The following MAN1C1 variants were observed in gnomAD, a reference collection of about 807,000 sequenced individuals.
MAN1C1 encodes mannosidase alpha class 1C member 1.
A neutral mutation model predicts 71.5 loss-of-function variants in MAN1C1; 49 were observed. The observed-to-expected ratio is 0.69, with a 90% confidence interval of 0.54 to 0.87. The LOEUF (loss-of-function observed/expected upper bound fraction) is 0.87, where lower values mean the gene tolerates loss of function less well. Ranked by LOEUF, MAN1C1 falls within the 40% of genes least tolerant of loss-of-function variation. The probability of loss-of-function intolerance (pLI) is 0.00; values close to 1 mark genes in which losing one functional copy is unlikely to be tolerated. For missense variants in MAN1C1, 743 were observed against 835.0 expected (o/e 0.89, Z 1.36); for synonymous variants, 352 against 343.7 (o/e 1.02, Z -0.27).
chr1:25,625,266 A>G (rs2045276979), intron 1 of MAN1C1, among the ~76,000 whole-genome samples: 1 of 152,054 alleles, frequency 6.6e-6, no homozygotes, highest in African/African-American at 2.4e-5. Context: ...CAGCCTCCCA[A>G]AGTGCTGGGA....
rs2047660181 is a variant in MAN1C1 at position 25,779,147 on chromosome 1, G to A, written c.1477+823G>A. Among the ~76,000 whole-genome samples the A allele has an allele frequency of 6.6e-6, 1 of 152,102 alleles. No homozygotes were observed. Among genetic ancestry groups the A allele is most frequent in the Non-Finnish European group, 1.5e-5 (1 of 67,984 alleles). The stretch of plus-strand genomic sequence containing the variant: ...AATCCCAGTGTTGGTTGGAGGGGAC[G>A]ACCCAAGATTTGCAGTAAAAATCCC... On this transcript the variant is annotated intron_variant, in intron 9 of 11. Transcript: ENST00000374332. This position sits in a 1 kb window ranked among gnomAD's most constrained non-coding sequence, Gnocchi z 4.6.
At chr1:25,737,094 G>A (rs866814379) in intron 2 of MAN1C1, among the ~76,000 whole-genome samples, 2 of 152,252 alleles carry the variant, frequency 1.3e-5, no homozygotes, top group South Asian at 2.1e-4. Context: ...TTCAGAGCTT[G>A]CTCTACAGCA....
At chr1:25,740,643 A>G (rs2047050087) in intron 2 of MAN1C1, among the ~76,000 whole-genome samples, 1 of 151,958 alleles carries the variant, frequency 6.6e-6, no homozygotes, top group Non-Finnish European at 1.5e-5. Context: ...TCACTGTGTT[A>G]GCCAGGATGG....
rs1026678364 is a variant in MAN1C1 at position 25,650,566 on chromosome 1, G to C, written c.540+32229G>C. 2.0e-5 allele frequency among the ~76,000 whole-genome samples: 3 copies of C among 152,224 alleles called. No individual in the cohort carries two copies. In the East Asian group the frequency reaches 5.8e-4, roughly 29 times the overall value. ...GAGCAGGTCCAGGTATGGCCTGCTT[G>C]ACTCTGTGGCCTCTCCATGGCCTAA... is the stretch of plus-strand genomic sequence containing the variant. On this transcript the variant is annotated intron_variant, in intron 1 of 11. Coordinates refer to ENST00000374332, the MANE Select transcript of MAN1C1 (RefSeq NM_020379.4).
chr1:25,672,043 G>A (rs1220510096), intron 1 of MAN1C1, among the ~76,000 whole-genome samples: 3 of 152,214 alleles, frequency 2.0e-5, no homozygotes, highest in African/African-American at 4.8e-5. Flanking sequence ...CAAGCCCAAC[G>A]GCCTGGGAAC....
At chr1:25,686,295 G>A (rs536863036) in intron 1 of MAN1C1, 145 bp from the exon 2 acceptor site, 10 of 695,990 alleles carry the variant, frequency 1.4e-5, no homozygotes, top group African/African-American at 1.2e-4. Flanking sequence ...ATCATGTTGC[G>A]AGGAAGTCAC....
intron 1 of MAN1C1, among the ~76,000 whole-genome samples, chr1:25,680,898 C>G (rs1435810185): frequency 6.6e-6 from 1 of 152,056 alleles, no homozygotes; most frequent in Non-Finnish European, 1.5e-5. Flanking sequence ...GCCCATAGTT[C>G]TTGTCATGGC....
intron 2 of MAN1C1, among the ~76,000 whole-genome samples, chr1:25,691,661 G>A (rs1406161814): frequency 6.6e-6 from 1 of 152,218 alleles, no homozygotes; most frequent in African/African-American, 2.4e-5. Flanking sequence ...GAAGCCACAT[G>A]AGGACTTCAG....
intron 2 of MAN1C1, among the ~76,000 whole-genome samples, chr1:25,708,554 A>C (rs1460021758): frequency 6.6e-6 from 1 of 152,160 alleles, no homozygotes; most frequent in Admixed American, 6.5e-5. Context: ...AATGCAGCCC[A>C]GTAGGTCTCA....
chr1:25,776,485 G>GGA lies in MAN1C1; in HGVS notation c.1258-1618_1258-1617dup, dbSNP rs1287689626. 6.6e-6 allele frequency among the ~76,000 whole-genome samples: 1 copy of GGA among 152,144 alleles called. No homozygotes were observed. The highest frequency in any genetic ancestry group is 2.4e-5 in the African/African-American group (1 of 41,424). The stretch of plus-strand genomic sequence containing the variant: ...CGAGAATGGTTTAAACTTGGGAGGC[G>GGA]GAGGTTGCAGTGAGCCAAGATCATG... On this transcript the variant is annotated intron_variant, in intron 8 of 11. Transcript: ENST00000374332. The surrounding 1 kb of genome is among the most constrained non-coding windows in gnomAD (Gnocchi z 4.3).
chr1:25,728,389 C>T (rs558042397), intron 2 of MAN1C1, among the ~76,000 whole-genome samples: 3 of 152,316 alleles, frequency 2.0e-5, no homozygotes, highest in Admixed American at 2.0e-4. Context: ...ATTAGGCACT[C>T]ACAACAATCT....
chr1:25,618,311 C>T lies in MAN1C1; in HGVS notation c.514C>T (p.Arg172Ter). 2.5e-6 allele frequency: 4 copies of T among 1,601,986 alleles called. No individual in the cohort carries two copies. The highest frequency in any genetic ancestry group is 1.1e-5 in the South Asian group (1 of 88,628). Residue 172 changes from arginine to a stop codon, truncating the protein, a stop_gained, in exon 1 of 12, where the codon CGA becomes TGA. Coordinates refer to ENST00000374332, the MANE Select transcript of MAN1C1 (RefSeq NM_020379.4). LOFTEE classifies it high-confidence loss of function. ...DESQEPQSQV[R>*]AQREKIKEMM... ...GAGTCAGGAGCCCCAGAGCCAAGTG[C>T]GAGCCCAGCGGGAGAAAATCAAGGA...
rs1314344634 is a variant in MAN1C1, at chr1:25,617,681, G to A, written c.-117G>A. 4 of 929,608 alleles carry A rather than the reference G, an allele frequency of 4.3e-6. No individual in the cohort carries two copies. Among genetic ancestry groups the A allele is most frequent in the Non-Finnish European group, 1.5e-6 (1 of 646,616 alleles). The allele number at this position is 929,608 out of a possible 1,614,324, so 57.6% of individuals were successfully genotyped here. On this transcript the variant is annotated 5_prime_UTR_variant, in exon 1 of 12. Coordinates refer to ENST00000374332, the MANE Select transcript of MAN1C1 (RefSeq NM_020379.4). The surrounding 1 kb of genome is among the most constrained non-coding windows in gnomAD (Gnocchi z 5.1). ...CGAAGCGGCGAAACTCTCAGGGTTG[G>A]CAACCCTGCCCAGGGACCCCCATCC...
intron 2 of MAN1C1, among the ~76,000 whole-genome samples, chr1:25,724,084 A>AATGAT (rs2046801942): frequency 1.4e-5 from 2 of 146,684 alleles, no homozygotes; most frequent in Non-Finnish European, 3.0e-5. Flanking sequence ...GCTGGAGTGC[A>AATGAT]GTGGCACAAT....
chr1:25,666,827 A>G (rs2124118723), intron 1 of MAN1C1, among the ~76,000 whole-genome samples: 1 of 152,348 alleles, frequency 6.6e-6, no homozygotes, highest in African/African-American at 2.4e-5. Flanking sequence ...GTGAGCCACC[A>G]TCACCCATAG....
At chr1:25,626,151 A>G (rs1048711154) in intron 1 of MAN1C1, among the ~76,000 whole-genome samples, 12 of 152,216 alleles carry the variant, frequency 7.9e-5, no homozygotes, top group African/African-American at 2.4e-4. Context: ...GATTGACTTT[A>G]TAAGAAACTG....
chr1:25,696,840 T>C (rs570326354), intron 2 of MAN1C1, among the ~76,000 whole-genome samples: 1 of 152,108 alleles, frequency 6.6e-6, no homozygotes, highest in Non-Finnish European at 1.5e-5. Flanking sequence ...AGAGATGAGG[T>C]CTTGCTATGT....
chr1:25,726,314 C>T (rs562343939), intron 2 of MAN1C1, among the ~76,000 whole-genome samples: 12 of 152,240 alleles, frequency 7.9e-5, no homozygotes, highest in Admixed American at 6.5e-4. Context: ...AACCTCTGCC[C>T]AACTCGTTCC....
intron 2 of MAN1C1, among the ~76,000 whole-genome samples, chr1:25,714,586 TA>T (rs11297296): frequency 0.24 from 36,527 of 151,286 alleles, 7,025 homozygotes; most frequent in African/African-American, 0.53. Flanking sequence ...AGAAAGCAGA[TA>T]AAAAAAAATG....
Sources: allele counts gnomAD v4.1 joint callset (sites outside exome capture counted in the v4.1 genomes callset), GRCh38; gene constraint gnomAD v4.1.1; non-coding constraint Gnocchi (gnomAD v3.1); transcripts MANE v1.5; gene names NCBI Gene and HGNC (gene_info 2026-07-23, HGNC 2026-07-21).